RGS7: variants seen among roughly 807,000 people sequenced by gnomAD.
RGS7 encodes the protein regulator of G protein signaling 7.
A neutral mutation model predicts 81.1 loss-of-function variants in RGS7; 27 were observed. That is an observed-to-expected ratio of 0.33 (90% CI 0.25 to 0.46). The LOEUF (loss-of-function observed/expected upper bound fraction) is 0.46. Among genes scored for constraint, RGS7 ranks in the 20% least tolerant of loss-of-function variants. The probability of loss-of-function intolerance (pLI) is 1.00; values close to 1 mark genes in which losing one functional copy is unlikely to be tolerated. For missense variants in RGS7, 396 were observed against 607.4 expected (o/e 0.65, Z 3.66); for synonymous variants, 208 against 207.7 (o/e 1.00, Z -0.01).
At chr1:240,797,450 C>A (rs1687261609) in intron 18 of RGS7, among the ~76,000 whole-genome samples, 1 of 152,162 alleles carries the variant, frequency 6.6e-6, no homozygotes, top group African/African-American at 2.4e-5. Context: ...CTCCTGAGTT[C>A]AAGCAATTTT....
intron 6 of RGS7, among the ~76,000 whole-genome samples, chr1:240,871,906 C>A (rs1488241444): frequency 6.6e-6 from 1 of 152,188 alleles, no homozygotes; most frequent in Non-Finnish European, 1.5e-5. Flanking sequence ...TGTCCTCCTG[C>A]ATCAGCTTCT....
chr1:240,996,008 T>C (rs1226292830), intron 3 of RGS7, among the ~76,000 whole-genome samples: 1 of 149,790 alleles, frequency 6.7e-6, no homozygotes, highest in Non-Finnish European at 1.5e-5. Context: ...TGTTACATTT[T>C]ATTTTTATTG....
At chr1:240,792,549 C>G (rs938704792) in intron 18 of RGS7, among the ~76,000 whole-genome samples, 2 of 152,174 alleles carry the variant, frequency 1.3e-5, no homozygotes, top group African/African-American at 4.8e-5. Flanking sequence ...CTTGTGCCAC[C>G]TTTGCTCTGT....
intron 2 of RGS7, among the ~76,000 whole-genome samples, chr1:241,113,106 A>G (rs752960876): frequency 4.6e-5 from 7 of 152,138 alleles, no homozygotes; most frequent in Non-Finnish European, 1.0e-4. Flanking sequence ...TTGGCACACA[A>G]ACATATAACT....
chr1:240,787,898 G>T (rs975787737), intron 18 of RGS7, among the ~76,000 whole-genome samples: 9 of 152,138 alleles, frequency 5.9e-5, no homozygotes, highest in Admixed American at 2.0e-4. Context: ...ATTACATGTT[G>T]CTCTGGTTGG....
intron 6 of RGS7, among the ~76,000 whole-genome samples, chr1:240,914,492 C>T (rs192539642): frequency 6.6e-6 from 1 of 152,190 alleles, no homozygotes; most frequent in Non-Finnish European, 1.5e-5. Flanking sequence ...CTTTCCAAAG[C>T]TCATTGGAAA....
chr1:240,798,283 T>C (rs533269071), intron 18 of RGS7, among the ~76,000 whole-genome samples: 1 of 152,314 alleles, frequency 6.6e-6, no homozygotes, highest in African/African-American at 2.4e-5. Context: ...TAAGTATTTA[T>C]GAATCTGGGT....
intron 2 of RGS7, among the ~76,000 whole-genome samples, chr1:241,176,313 G>T (rs2071137772): frequency 6.6e-6 from 1 of 152,194 alleles, no homozygotes. Flanking sequence ...TATGATCAGA[G>T]CTGAGCTTTG....
At chr1:240,950,082 A>G (rs114793874) in intron 4 of RGS7, among the ~76,000 whole-genome samples, 2,777 of 152,250 alleles carry the variant, frequency 0.018, 46 homozygotes, top group African/African-American at 0.036. Flanking sequence ...TTGGAGCAGA[A>G]GCTTTTGGAT....
intron 10 of RGS7, among the ~76,000 whole-genome samples, chr1:240,825,773 T>G (rs1486312478): frequency 6.6e-6 from 1 of 152,192 alleles, no homozygotes; most frequent in East Asian, 1.9e-4. Context: ...AAGGGTGCCA[T>G]GTGAAACACG....
intron 2 of RGS7, among the ~76,000 whole-genome samples, chr1:241,121,860 A>G (rs1487698796): frequency 6.6e-6 from 1 of 151,426 alleles, no homozygotes; most frequent in Non-Finnish European, 1.5e-5. Context: ...GGTGCGTGAT[A>G]CCACACCTGG....
chr1:241,270,841 T>C (rs780594031), intron 2 of RGS7, among the ~76,000 whole-genome samples: 19 of 151,442 alleles, frequency 1.3e-4, no homozygotes, highest in Middle Eastern at 6.8e-3. Flanking sequence ...TCACTGCAAG[T>C]TCCGCCTCCC....
rs10552436 is a variant in RGS7 at position 241,256,926 on chromosome 1, TACACACACACAC to T, written c.78+98761_78+98772del. On this transcript the variant is annotated intron_variant, in intron 2 of 18. Transcript: ENST00000440928. ...GTTATTCTTAAACTACCACTAGAAA[TACACACACACAC>T]ACACACACACACACACACACACACG... is the stretch of plus-strand genomic sequence containing the variant. 9.5e-3 allele frequency among the ~76,000 whole-genome samples: 1,392 copies of T among 146,226 alleles called. 30 individuals are homozygous for T. The highest frequency in any genetic ancestry group is 0.034 in the African/African-American group (1,316 of 39,274).
intron 4 of RGS7, among the ~76,000 whole-genome samples, chr1:240,955,862 C>T (rs1680325852): frequency 6.6e-6 from 1 of 152,118 alleles, no homozygotes; most frequent in Admixed American, 6.5e-5. Context: ...TATTAGTTTT[C>T]ACAATAATTA....
chr1:241,140,667 T>A (rs1017648729), intron 2 of RGS7, among the ~76,000 whole-genome samples: 5 of 152,164 alleles, frequency 3.3e-5, no homozygotes, highest in Non-Finnish European at 5.9e-5. Flanking sequence ...TGCCTTGGCC[T>A]CTCAAAATGC....
At chr1:240,784,514 C>T (rs534227596) in intron 18 of RGS7, among the ~76,000 whole-genome samples, 12 of 150,302 alleles carry the variant, frequency 8.0e-5, no homozygotes, top group South Asian at 2.1e-4. Flanking sequence ...GGCGTGGTGG[C>T]GGGCGCCTGT....
At chr1:240,812,112 CCCCTTCAAAAT>C in intron 13 of RGS7, 69 bp from the exon 14 acceptor site, 1 of 1,568,140 alleles carries the variant, frequency 6.4e-7, no homozygotes, top group Non-Finnish European at 8.8e-7. Context: ...TTATTACATT[CCCCTTCAAAAT>C]CATGTGTGCC....
chr1:240,867,862 C>T (rs1185922810), intron 9 of RGS7, among the ~76,000 whole-genome samples: 2 of 151,790 alleles, frequency 1.3e-5, no homozygotes, highest in Non-Finnish European at 2.9e-5. Context: ...ATTAGCCAGG[C>T]TTGGTGGCAC....
At chr1:241,043,575 TTA>T (rs1373700632) in intron 3 of RGS7, among the ~76,000 whole-genome samples, 1 of 147,238 alleles carries the variant, frequency 6.8e-6, no homozygotes, top group Non-Finnish European at 1.5e-5. Flanking sequence ...ATTTTATATA[TTA>T]TATTAGTTAT....
Sources: allele counts gnomAD v4.1 joint callset (sites outside exome capture counted in the v4.1 genomes callset), GRCh38; gene constraint gnomAD v4.1.1; transcripts MANE v1.5; gene names NCBI Gene and HGNC (gene_info 2026-07-23, HGNC 2026-07-21).